Variants in SLC11A2 observed in about 807,000 individuals in gnomAD.
The protein encoded by SLC11A2 is natural resistance-associated macrophage protein 2.
SLC11A2 carries 38 observed loss-of-function variants against 68.0 expected under a neutral mutation model. The observed-to-expected ratio is 0.56, with a 90% CI of 0.43 to 0.73. The LOEUF (loss-of-function observed/expected upper bound fraction) is 0.73, where lower values mean the gene tolerates loss of function less well. Ranked by LOEUF, SLC11A2 falls within the 30% of genes least tolerant of loss-of-function variation. The pLI is 0.00. For missense variants in SLC11A2, 517 were observed against 690.5 expected (o/e 0.75, Z 2.82); for synonymous variants, 242 against 250.6 (o/e 0.97, Z 0.32).
chr12:51,028,318 G>T, upstream of SLC11A2: 1 of 955,474 alleles, frequency 1.0e-6, no homozygotes, highest in Non-Finnish European at 1.6e-6. Context: ...GGGCACTTTT[G>T]GGTGCTCTAA....
At chr12:50,969,722 C>A in the SLC11A2 span, among the ~76,000 whole-genome samples, 84 of 148,706 alleles carry the variant, frequency 5.6e-4, no homozygotes, top group Non-Finnish European at 9.7e-4. Flanking sequence ...AAAACAAAAA[C>A]AAAACGTCAT....
Position 50,988,408 on chromosome 12 carries a change from T to A in SLC11A2, c.1603A>T (p.Met535Leu). The A allele has an allele frequency of 6.2e-7, 1 of 1,614,066 alleles. No homozygotes were observed. Reference sequence around the variant, plus strand: ...GTATGCCCACAGTCCAGGAAGGACATGCCCAGTGCAATCAAACATTGCCAA... The same window carrying A: ...GTATGCCCACAGTCCAGGAAGGACAAGCCCAGTGCAATCAAACATTGCCAA... The part of the protein sequence containing the change: ...LGWQCLIALG[M>L]SFLDCGHTVS... The change falls in exon 16 of 16, where the codon ATG becomes TTG. Residue 535 changes from methionine to leucine, a missense_variant. Coordinates refer to ENST00000262052, the MANE Select transcript of SLC11A2 (RefSeq NM_000617.3).
intron 1 of SLC11A2, among the ~76,000 whole-genome samples, chr12:51,018,952 C>CT (rs997866886): frequency 2.6e-5 from 4 of 151,806 alleles, no homozygotes; most frequent in Non-Finnish European, 4.4e-5. Context: ...TTCTTTCCTC[C>CT]TTTTTTTTCA....
At chr12:50,989,457 C>A (rs374048740) in intron 15 of SLC11A2, among the ~76,000 whole-genome samples, 1 of 152,094 alleles carries the variant, frequency 6.6e-6, no homozygotes, top group African/African-American at 2.4e-5. Context: ...TGCCACTATA[C>A]CCTAGCTTGG....
downstream of SLC11A2, chr12:50,979,559 A>G (rs975518717): frequency 7.8e-6 from 2 of 255,378 alleles, no homozygotes; most frequent in African/African-American, 4.5e-5. Context: ...AAAGAAACCA[A>G]AAACACTTAA....
intron 5 of SLC11A2, among the ~76,000 whole-genome samples, chr12:51,004,026 C>T (rs1473973609): frequency 2.0e-5 from 3 of 152,024 alleles, no homozygotes; most frequent in Admixed American, 1.3e-4. Flanking sequence ...TTTATGGGTA[C>T]ATAGTAGGTG....
At chr12:50,975,689 C>G (rs946167113), downstream of SLC11A2, among the ~76,000 whole-genome samples, 1 of 152,000 alleles carries the variant, frequency 6.6e-6, no homozygotes, top group Non-Finnish European at 1.5e-5. Flanking sequence ...TCAAAAAAAT[C>G]AATGAATCCA....
chr12:50,956,388 T>C, the SLC11A2 span, among the ~76,000 whole-genome samples: 1 of 152,152 alleles, frequency 6.6e-6, no homozygotes, highest in East Asian at 1.9e-4. Flanking sequence ...CGAGACTCCA[T>C]CTTAGAAAAA....
intron 1 of SLC11A2, among the ~76,000 whole-genome samples, chr12:51,011,650 C>T (rs948721826): frequency 5.3e-5 from 8 of 150,094 alleles, no homozygotes; most frequent in Non-Finnish European, 1.2e-4. Context: ...GCAACCTCTG[C>T]CTCCTGGGTT....
intron 11 of SLC11A2, chr12:50,993,195 A>G (rs1393000722): frequency 1.9e-4 from 3 of 15,748 alleles, no homozygotes; most frequent in Non-Finnish European, 4.0e-4. Flanking sequence ...AAATATTAAA[A>G]AAAAAAAAAA....
chr12:50,992,368 G>C (rs1336330479), intron 12 of SLC11A2, 29 bp from the exon 13 acceptor site: 1 of 1,611,378 alleles, frequency 6.2e-7, no homozygotes, highest in Non-Finnish European at 8.5e-7. Flanking sequence ...GCAGATGACT[G>C]TCTGCAACAG....
rs767112817 is a variant in SLC11A2 at position 51,008,533 on chromosome 12, G to A, written c.126C>T (p.Asp42=). The A allele has an allele frequency of 6.2e-7, 1 of 1,612,778 alleles. No individual in the cohort carries two copies. Among genetic ancestry groups the A allele is most frequent in the Non-Finnish European group, 8.5e-7 (1 of 1,178,850 alleles). The change falls in exon 3 of 16, where the codon GAC becomes GAT. Residue 42 remains aspartate, a synonymous_variant. Coordinates refer to ENST00000262052, the MANE Select transcript of SLC11A2 (RefSeq NM_000617.3). ...AGTAAGTGGCGAAGTACTCCTCTGAGTCCCCAGGGGACTGTGAAAGAGAGG... is the reference window on the plus strand; with the variant it reads ...AGTAAGTGGCGAAGTACTCCTCTGAATCCCCAGGGGACTGTGAAAGAGAGG... The part of the protein sequence containing the change: ...SNPSLSQSPG[D]SEEYFATYFN...
Position 50,994,603 on chromosome 12 carries a change from G to A in SLC11A2, c.1018C>T (p.Pro340Ser). The A allele has an allele frequency of 1.9e-6, 3 of 1,612,256 alleles. No individual in the cohort carries two copies. The highest frequency in any genetic ancestry group is 2.5e-6 in the Non-Finnish European group (3 of 1,178,282). The part of the protein sequence containing the change: ...VVEVCTNTSS[P>S]HAGLFPKDNS... ...TCTTTAGGAAAGAGGCCAGCATGAG[G>A]ACTGCTGGTATTTGTACAGACTTCA... The change falls in exon 11 of 16, where the codon CCT becomes TCT. Residue 340 changes from proline to serine, a missense_variant. Transcript: ENST00000262052.
chr12:51,014,671 G>A (rs1472550885), intron 1 of SLC11A2, among the ~76,000 whole-genome samples: 1 of 149,608 alleles, frequency 6.7e-6, no homozygotes, highest in Non-Finnish European at 1.5e-5. Context: ...GGCCAACATG[G>A]GTGAAACCCC....
chr12:50,999,082 T>G, intron 8 of SLC11A2, 92 bp downstream of exon 8: 1 of 1,090,262 alleles, frequency 9.2e-7, no homozygotes, highest in Non-Finnish European at 1.4e-6. Context: ...TGAATCATAC[T>G]AGCATTATTA....
At chr12:50,953,899 A>G in the SLC11A2 span, 2 of 674,570 alleles carry the variant, frequency 3.0e-6, no homozygotes, top group African/African-American at 3.6e-5. Context: ...AATGAAAACA[A>G]AAAAACACAT....
At chr12:50,981,576 T>C, downstream of SLC11A2, 1 of 639,142 alleles carries the variant, frequency 1.6e-6, no homozygotes, top group East Asian at 3.0e-5. Flanking sequence ...AGCTGTCAGT[T>C]TTGAACACCC....
rs1405398595 is a variant in SLC11A2, at chr12:50,986,630, G to T, written c.*1695C>A. The T allele has an allele frequency of 2.3e-6, 3 of 1,286,788 alleles. No homozygotes were observed. Among genetic ancestry groups the T allele is most frequent in the Middle Eastern group, 3.3e-4 (1 of 3,062 alleles). 79.7% of individuals were successfully genotyped at this position (1,286,788 alleles called of 1,614,324 possible). A position where few individuals can be genotyped will look rare whatever the true frequency, so the allele number is the denominator to read the frequency against. ...CTGCAGCCAGGTGAGAGCTTAAGATGTCAGTCCCCAATATCTTCACAGAGT... is the reference window on the plus strand; with the variant it reads ...CTGCAGCCAGGTGAGAGCTTAAGATTTCAGTCCCCAATATCTTCACAGAGT... On this transcript the variant is annotated 3_prime_UTR_variant, in exon 16 of 16. Coordinates refer to ENST00000262052, the MANE Select transcript of SLC11A2 (RefSeq NM_000617.3).
the SLC11A2 span, among the ~76,000 whole-genome samples, chr12:50,955,390 C>A: frequency 6.6e-6 from 1 of 152,174 alleles, no homozygotes; most frequent in Non-Finnish European, 1.5e-5. Flanking sequence ...CTTTAAAAAA[C>A]CCCACAAAAC....
Sources: gnomAD v4.1 joint callset for allele counts (sites outside exome capture counted in the v4.1 genomes callset) on GRCh38, gnomAD v4.1.1 for gene constraint, MANE v1.5 for transcripts, NCBI Gene and HGNC (gene_info 2026-07-23, HGNC 2026-07-21) for gene names.